Variants in FRAS1 observed in about 807,000 individuals in gnomAD.
The protein encoded by FRAS1 is Fraser extracellular matrix complex subunit 1.
FRAS1 carries 290 observed loss-of-function variants against 435.2 expected under a neutral mutation model. That is an observed-to-expected ratio of 0.67 (90% CI 0.61 to 0.73). The LOEUF (loss-of-function observed/expected upper bound fraction) is 0.73. Among genes scored for constraint, FRAS1 ranks in the 30% least tolerant of loss-of-function variants. FRAS1 has a pLI of 0.00. For synonymous variants in FRAS1, 1,800 were observed against 1,851.0 expected, an observed-to-expected ratio of 0.97 and a Z score of 0.71; for missense variants, 4,860 against 5,001.5, an observed-to-expected ratio of 0.97 and a Z score of 0.85.
rs1727490983 is a variant in FRAS1 at position 78,284,568 on chromosome 4, A to G, written c.1399+20A>G. ...GTTTAGGTATGGCTCCAAGTGGACAACCCAGAGGTGGTGGTGTGTGGGAGA... is the reference window on the plus strand; with the variant it reads ...GTTTAGGTATGGCTCCAAGTGGACAGCCCAGAGGTGGTGGTGTGTGGGAGA... On this transcript the variant is annotated intron_variant, in intron 13 of 73. Transcript: ENST00000512123. 6.3e-7 allele frequency: 1 copy of G among 1,593,888 alleles called. No homozygotes were observed. The highest frequency in any genetic ancestry group is 1.2e-5 in the South Asian group (1 of 86,948).
At chr4:78,388,343 AAAAC>A (rs1732308459) in intron 29 of FRAS1, among the ~76,000 whole-genome samples, 2 of 151,862 alleles carry the variant, frequency 1.3e-5, no homozygotes, top group African/African-American at 4.8e-5. Context: ...AAAAAAAAAA[AAAAC>A]AAAAAAAACC....
At chr4:78,529,382 G>T (rs115751221) in intron 70 of FRAS1, among the ~76,000 whole-genome samples, 1,585 of 152,064 alleles carry the variant, frequency 0.01, 13 homozygotes, top group Non-Finnish European at 0.016. Context: ...ATATCATATA[G>T]CAGATCTACC....
rs1719527518 is a variant in FRAS1, at chr4:78,466,320, A to T, written c.7142A>T (p.Tyr2381Phe). The T allele has an allele frequency of 6.2e-7, 1 of 1,613,678 alleles. No homozygotes were observed. Among genetic ancestry groups the T allele is most frequent in the African/African-American group, 1.3e-5 (1 of 74,896 alleles). ...TCCACCTTCACCATGAAAGATATCT[A>T]CCAGAACCGGGTCAGCTACAGCCAT... ...LTSTFTMKDIYQNRVSYSHDG... is the reference protein window; with the variant it reads ...LTSTFTMKDIFQNRVSYSHDG... Residue 2381 changes from tyrosine to phenylalanine, a missense_variant, in exon 50 of 74, where the codon TAC (tyrosine) becomes TTC (phenylalanine). Coordinates refer to ENST00000512123, the MANE Select transcript of FRAS1 (RefSeq NM_025074.7).
At chr4:78,225,460 A>G (rs1343783851) in intron 2 of FRAS1, among the ~76,000 whole-genome samples, 2 of 152,214 alleles carry the variant, frequency 1.3e-5, no homozygotes, top group Admixed American at 6.5e-5. Flanking sequence ...AGTCTGGGCC[A>G]GAATCCAGGT....
intron 25 of FRAS1, 123 bp from the exon 26 acceptor site, chr4:78,375,616 C>A: frequency 1.3e-6 from 1 of 769,392 alleles, no homozygotes; most frequent in Non-Finnish European, 2.0e-6. Flanking sequence ...TCAGTATTCT[C>A]TTTTGTTACA....
chr4:78,445,179 ACTTGCC>A (rs1718762864), intron 41 of FRAS1, among the ~76,000 whole-genome samples: 1 of 152,234 alleles, frequency 6.6e-6, no homozygotes, highest in South Asian at 2.1e-4. Flanking sequence ...CTGTATTGTC[ACTTGCC>A]CTAGTAACAG....
chr4:78,501,811 A>G (rs1256646811), intron 61 of FRAS1, among the ~76,000 whole-genome samples: 5 of 152,168 alleles, frequency 3.3e-5, no homozygotes, highest in Non-Finnish European at 4.4e-5. Flanking sequence ...CTATGTCCTG[A>G]ATGGTATTGC....
chr4:78,281,458 C>T (rs772644240), intron 11 of FRAS1, 25 bp downstream of exon 11: 53 of 1,468,588 alleles, frequency 3.6e-5, no homozygotes, highest in South Asian at 1.6e-4. Context: ...TTAACTTGCA[C>T]GTAGATCATT....
intron 10 of FRAS1, among the ~76,000 whole-genome samples, chr4:78,279,191 G>A (rs1293395274): frequency 1.3e-5 from 2 of 152,216 alleles, no homozygotes; most frequent in African/African-American, 2.4e-5. Flanking sequence ...ACCAGGAATA[G>A]GGATCAGGAA....
intron 60 of FRAS1, among the ~76,000 whole-genome samples, chr4:78,497,809 A>G (rs1012339403): frequency 1.3e-5 from 2 of 152,218 alleles, no homozygotes; most frequent in African/African-American, 4.8e-5. Flanking sequence ...TTCTAGGGAA[A>G]TATCAGTAAC....
intron 9 of FRAS1, among the ~76,000 whole-genome samples, chr4:78,270,532 G>GCCCCCCGCCACCCCGC (rs1448330853): frequency 8.8e-6 from 1 of 113,698 alleles, no homozygotes; most frequent in Admixed American, 9.3e-5. Flanking sequence ...ACCAGCCACC[G>GCCCCCCGCCACCCCGC]CCCCCCGCCA....
In FRAS1 at chr4:78,141,635, G is replaced by A. The variant is rs115736602; in HGVS notation, c.108+75619G>A. The stretch of plus-strand genomic sequence containing the variant: ...TTTTAGTACAATAATGGGGCTGATG[G>A]AGGATCATAATGGGGCTAGGTATTA... On this transcript the variant is annotated intron_variant, in intron 2 of 73. Transcript: ENST00000512123. Among the ~76,000 whole-genome samples the A allele has an allele frequency of 5.9e-3, 897 of 152,256 alleles. 10 individuals carry two copies. The highest frequency in any genetic ancestry group is 0.021 in the African/African-American group (862 of 41,546).
chr4:78,083,134 T>C (rs1377870534), intron 2 of FRAS1, among the ~76,000 whole-genome samples: 5 of 152,138 alleles, frequency 3.3e-5, no homozygotes, highest in Admixed American at 3.3e-4. Context: ...TTACCTATTC[T>C]CACTATACCC....
intron 68 of FRAS1, among the ~76,000 whole-genome samples, chr4:78,521,932 T>C (rs1004223476): frequency 3.9e-5 from 6 of 152,230 alleles, no homozygotes; most frequent in Non-Finnish European, 8.8e-5. Flanking sequence ...GATTCAATAA[T>C]ATCCAGTCTC....
intron 9 of FRAS1, among the ~76,000 whole-genome samples, chr4:78,273,246 A>G (rs1560618745): frequency 6.6e-6 from 1 of 152,232 alleles, no homozygotes; most frequent in African/African-American, 2.4e-5. Context: ...ATATACAACC[A>G]TGTCCTCTGC....
At chr4:78,446,156 T>C (rs961829161) in intron 42 of FRAS1, 1 of 1,008,194 alleles carries the variant, frequency 9.9e-7, no homozygotes, top group African/African-American at 1.7e-5. Flanking sequence ...CTACACAGGC[T>C]TGCTCTACCG....
chr4:78,241,821 G>A (rs182372990), intron 3 of FRAS1, among the ~76,000 whole-genome samples: 1 of 152,144 alleles, frequency 6.6e-6, no homozygotes, highest in African/African-American at 2.4e-5. Flanking sequence ...AACTGAGGTG[G>A]TTGAGAGTGT....
At position 78,112,990 on chromosome 4, in the gene FRAS1, A is replaced by T. The variant is rs112668244; in HGVS notation, c.108+46974A>T. Among the ~76,000 whole-genome samples the T allele has an allele frequency of 6.8e-3, 1,035 of 151,998 alleles. 5 individuals are homozygous for T. The highest frequency in any genetic ancestry group is 0.012 in the Non-Finnish European group (811 of 67,968). ...TATCCCTCCCCGCTCCCTCCACCCC[A>T]CAACAGGCCCCAGTGTGTGATGTTC... On this transcript the variant is annotated intron_variant, in intron 2 of 73. Transcript: ENST00000512123.
chr4:78,465,788 C>T (rs1269895050), intron 49 of FRAS1, among the ~76,000 whole-genome samples: 1 of 152,156 alleles, frequency 6.6e-6, no homozygotes, highest in Non-Finnish European at 1.5e-5. Flanking sequence ...CTTTTTCTTT[C>T]TGCGGGTCAC....
Sources: gnomAD v4.1 joint callset for allele counts (sites outside exome capture counted in the v4.1 genomes callset) on GRCh38, gnomAD v4.1.1 for gene constraint, MANE v1.5 for transcripts, NCBI Gene and HGNC (gene_info 2026-07-23, HGNC 2026-07-21) for gene names.